MYO19: variants seen among roughly 807,000 people sequenced by gnomAD.
The protein encoded by MYO19 is unconventional myosin-XIX.
Under a neutral mutation model 129.2 loss-of-function variants are expected in MYO19, and 132 were observed. The ratio of observed to expected loss-of-function variants is 1.02; its 90% CI spans 0.89 to 1.18. The LOEUF (loss-of-function observed/expected upper bound fraction) is 1.18. MYO19 is among the 50% of genes most tolerant of loss of function. MYO19 has a pLI of 0.00. For synonymous variants in MYO19, 531 were observed against 477.2 expected, an observed-to-expected ratio of 1.11 and a Z score of -1.47; for missense variants, 1,210 against 1,216.7, an observed-to-expected ratio of 0.99 and a Z score of 0.08.
intron 16 of MYO19, 40 bp downstream of exon 16, chr17:36,507,359 G>C: frequency 1.3e-6 from 2 of 1,584,288 alleles, no homozygotes; most frequent in Non-Finnish European, 1.7e-6. Flanking sequence ...AAAACCCAAA[G>C]GCCAACTCTG....
chr17:36,503,954 TG>T lies in MYO19; in HGVS notation c.1971del (p.Ile658SerfsTer9). The T allele has an allele frequency of 1.3e-6, 2 of 1,590,758 alleles. No homozygotes were observed. Among genetic ancestry groups the T allele is most frequent in the South Asian group, 1.1e-5 (1 of 87,004 alleles). On this transcript the variant is annotated frameshift_variant, in exon 20 of 26. Coordinates refer to ENST00000614623, the MANE Select transcript of MYO19 (RefSeq NM_001163735.2). LOFTEE classifies it high-confidence loss of function. Reference sequence around the variant, plus strand: ...GCCGTGATCGAGCCCACTCACCGGATGGGGAAGCCAGCAGCACTGATATGGA... The same window carrying T: ...GCCGTGATCGAGCCCACTCACCGGATGGGAAGCCAGCAGCACTGATATGGA... ...ETIHISAAGF[P>X]IRVSHRNFVE...
Position 36,503,217 on chromosome 17 carries a change from G to A in MYO19, c.1977-17C>T, listed in dbSNP as rs373269638. 1.0e-4 allele frequency: 167 copies of A among 1,597,220 alleles called. No homozygotes were observed. The highest frequency in any genetic ancestry group is 8.2e-5 in the Non-Finnish European group (95 of 1,164,658). On this transcript the variant is annotated splice_polypyrimidine_tract_variant and intron_variant, in intron 20 of 25. Transcript: ENST00000614623. The stretch of plus-strand genomic sequence containing the variant: ...TGAGAGACCCTGGAGGCCAAAGCAG[G>A]CAGAAGTAGAGAATTACTTCATCTG...
At chr17:36,543,688 G>A (rs1368732690), upstream of MYO19, among the ~76,000 whole-genome samples, 1 of 151,948 alleles carries the variant, frequency 6.6e-6, no homozygotes, top group Non-Finnish European at 1.5e-5. Flanking sequence ...GCAATGGCGC[G>A]ATCTGGGCTC....
upstream of MYO19, chr17:36,537,010 ATAAGAGTAAAAT>A: frequency 8.4e-7 from 1 of 1,197,156 alleles, no homozygotes; most frequent in Non-Finnish European, 1.2e-6. Flanking sequence ...AAATCTAGTA[ATAAGAGTAAAAT>A]TAAGCCAGGT....
chr17:36,521,944 T>C (rs936781990), intron 6 of MYO19, among the ~76,000 whole-genome samples: 7 of 149,914 alleles, frequency 4.7e-5, no homozygotes, highest in African/African-American at 1.7e-4. Context: ...GGCAGGAGAA[T>C]TGCTTGAACC....
intron 23 of MYO19, 39 bp downstream of exon 23, chr17:36,500,791 G>T (rs1389210440): frequency 3.2e-6 from 5 of 1,574,738 alleles, no homozygotes; most frequent in East Asian, 2.3e-5. Flanking sequence ...CATCCTGTGG[G>T]GTCTGTGAGC....
chr17:36,537,804 C>A (rs1016868531), upstream of MYO19: 1 of 1,613,990 alleles, frequency 6.2e-7, no homozygotes, highest in African/African-American at 1.3e-5. Context: ...GTATGGAGTT[C>A]ACTGGAACTT....
intron 13 of MYO19, chr17:36,509,443 G>A (rs1056116550): frequency 1.1e-5 from 5 of 454,224 alleles, no homozygotes; most frequent in African/African-American, 5.9e-5. Context: ...CACATGGCTC[G>A]AGACCCAGCT....
chr17:36,525,314 C>A lies in MYO19; in HGVS notation c.328G>T (p.Gly110Cys). Residue 110 changes from glycine (G) to cysteine (C), a missense_variant, in exon 6 of 26, where the codon GGT becomes TGT. By Grantham distance (159) the Gly-to-Cys change is radical. Transcript: ENST00000614623. ...QKLKPHVFTV[G>C]EQTYRNVKSL... Reference sequence around the variant, plus strand: ...TTGACATTCCTGTAGGTCTGTTCACCCACAGTGAACACATGGGGCTTCAGT... The same window carrying A: ...TTGACATTCCTGTAGGTCTGTTCACACACAGTGAACACATGGGGCTTCAGT... The A allele has an allele frequency of 6.2e-7, 1 of 1,612,824 alleles. No homozygotes were observed. The highest frequency in any genetic ancestry group is 1.3e-5 in the African/African-American group (1 of 75,014).
At chr17:36,531,117 G>T (rs1238555712) in intron 3 of MYO19, among the ~76,000 whole-genome samples, 1 of 151,918 alleles carries the variant, frequency 6.6e-6, no homozygotes, top group Non-Finnish European at 1.5e-5. Flanking sequence ...TTTGGAGGCT[G>T]GGCGCGGTGG....
chr17:36,508,053 G>C, intron 14 of MYO19, 129 bp from the exon 15 acceptor site: 2 of 1,005,122 alleles, frequency 2.0e-6, no homozygotes, highest in Non-Finnish European at 2.8e-6. Flanking sequence ...CAGGCTGAGT[G>C]AGCATGACAC....
intron 1 of MYO19, among the ~76,000 whole-genome samples, chr17:36,534,491 G>C (rs781187803): frequency 6.6e-6 from 1 of 152,286 alleles, no homozygotes; most frequent in African/African-American, 2.4e-5. Context: ...AGTGGAGCAA[G>C]GACCCTCTCC....
chr17:36,538,365 AAGCATTC>A, upstream of MYO19: 1 of 1,614,174 alleles, frequency 6.2e-7, no homozygotes, highest in South Asian at 1.1e-5. Flanking sequence ...TACAAATAAA[AAGCATTC>A]AGAATCTCTA....
At chr17:36,533,696 A>T (rs1388809112) in intron 2 of MYO19, 1 of 152,136 alleles carries the variant, frequency 6.6e-6, no homozygotes, top group Non-Finnish European at 1.5e-5. Context: ...AAAGATCCTG[A>T]CCCTGGACAC....
rs368059155 is a variant in MYO19 at position 36,507,857 on chromosome 17, G to A, written c.1299C>T (p.Tyr433=). ...AATGCTGCTGCAGCTTCTCATTGGC[G>A]TAGTTGATGCACAACTGTTCCAGAC... The part of the protein sequence containing the change: ...DNSLEQLCIN[Y]ANEKLQQHFV... Residue 433 remains tyrosine (Y), a synonymous_variant, in exon 15 of 26, where the codon TAC becomes TAT. Coordinates refer to ENST00000614623, the MANE Select transcript of MYO19 (RefSeq NM_001163735.2). The A allele has an allele frequency of 6.1e-5, 98 of 1,613,490 alleles. No individual in the cohort carries two copies. The highest frequency in any genetic ancestry group is 7.5e-5 in the Non-Finnish European group (88 of 1,179,650).
At chr17:36,537,130 T>C (rs2074150928), upstream of MYO19, 1 of 1,598,756 alleles carries the variant, frequency 6.3e-7, no homozygotes, top group African/African-American at 1.4e-5. Flanking sequence ...AAGGAAGCTT[T>C]TGTCAGTAAC....
chr17:36,529,370 C>T (rs1280159188), intron 3 of MYO19, among the ~76,000 whole-genome samples: 1 of 152,098 alleles, frequency 6.6e-6, no homozygotes, highest in Admixed American at 6.5e-5. Context: ...CCTGTGGTCC[C>T]ATTTCTCCTA....
intron 21 of MYO19, chr17:36,502,896 C>T: frequency 1.7e-6 from 1 of 603,846 alleles, no homozygotes; most frequent in Non-Finnish European, 2.9e-6. Context: ...CCTAGCACCA[C>T]CCACAGCATC....
upstream of MYO19, chr17:36,537,705 T>C (rs2074161704): frequency 6.2e-7 from 1 of 1,614,038 alleles, no homozygotes; most frequent in African/African-American, 1.3e-5. Context: ...CTTTACAAAC[T>C]CATTGTACTC....
Sources: allele counts gnomAD v4.1 joint callset (sites outside exome capture counted in the v4.1 genomes callset), GRCh38; gene constraint gnomAD v4.1.1; transcripts MANE v1.5; gene names NCBI Gene and HGNC (gene_info 2026-07-23, HGNC 2026-07-21).